AFG1L: variants seen among roughly 807,000 people sequenced by gnomAD.
AFG1L encodes AFG1 like ATPase.
AFG1L carries 53 observed loss-of-function variants against 62.2 expected under a neutral mutation model. The ratio of observed to expected loss-of-function variants is 0.85; its 90% CI spans 0.68 to 1.07. The LOEUF is 1.07. Ranked by LOEUF, AFG1L falls within the 50% of genes least tolerant of loss-of-function variation. The probability of loss-of-function intolerance (pLI) is 0.00; values close to 1 mark genes in which losing one functional copy is unlikely to be tolerated. For missense variants in AFG1L, 555 were observed against 590.5 expected (o/e 0.94, Z 0.62); for synonymous variants, 228 against 210.3 (o/e 1.08, Z -0.73).
At chr6:108,484,063 A>G (rs1562188907) in intron 10 of AFG1L, among the ~76,000 whole-genome samples, 1 of 152,216 alleles carries the variant, frequency 6.6e-6, no homozygotes, top group Non-Finnish European at 1.5e-5. Context: ...CTAAAGGATG[A>G]ATAGCTTTTA....
intron 10 of AFG1L, among the ~76,000 whole-genome samples, chr6:108,504,872 A>G (rs1774338537): frequency 1.3e-5 from 2 of 152,088 alleles, no homozygotes; most frequent in South Asian, 4.2e-4. Context: ...AGTGGGACAA[A>G]AGTCAGAGAC....
intron 10 of AFG1L, among the ~76,000 whole-genome samples, chr6:108,505,678 C>G (rs1041939119): frequency 6.6e-6 from 1 of 152,082 alleles, no homozygotes; most frequent in African/African-American, 2.4e-5. Flanking sequence ...AGTGGAAATT[C>G]TAGAGCTACA....
chr6:108,325,195 T>C (rs111368225), intron 2 of AFG1L, among the ~76,000 whole-genome samples: 2,841 of 152,322 alleles, frequency 0.019, 46 homozygotes, highest in Middle Eastern at 0.071. Flanking sequence ...AGTTCTCCCA[T>C]GAACTCTTCC....
chr6:108,516,768 A>C (rs1774912442), intron 11 of AFG1L, among the ~76,000 whole-genome samples: 1 of 152,214 alleles, frequency 6.6e-6, no homozygotes, highest in Non-Finnish European at 1.5e-5. Context: ...GTCTCAGCCC[A>C]AAATCTCCTT....
At chr6:108,405,547 A>G (rs187613515) in intron 7 of AFG1L, among the ~76,000 whole-genome samples, 28 of 152,144 alleles carry the variant, frequency 1.8e-4, no homozygotes, top group African/African-American at 4.8e-4. Context: ...GGGTTTCACT[A>G]TGTTTCCCAG....
intron 5 of AFG1L, among the ~76,000 whole-genome samples, chr6:108,363,387 C>T (rs1406223618): frequency 6.6e-6 from 1 of 152,120 alleles, no homozygotes; most frequent in African/African-American, 2.4e-5. Context: ...CCTCTACACT[C>T]AAGTAGGCGC....
chr6:108,492,497 A>G (rs1311398804), intron 10 of AFG1L, among the ~76,000 whole-genome samples: 1 of 152,228 alleles, frequency 6.6e-6, no homozygotes, highest in Non-Finnish European at 1.5e-5. Context: ...TGGTGGAAAC[A>G]TATTTCAGCC....
chr6:108,415,288 G>A (rs1299826807), intron 7 of AFG1L, among the ~76,000 whole-genome samples: 1 of 152,148 alleles, frequency 6.6e-6, no homozygotes, highest in Non-Finnish European at 1.5e-5. Context: ...AAACAAATTG[G>A]AAGAACATTC....
At chr6:108,442,475 G>A (rs754964556) in intron 7 of AFG1L, among the ~76,000 whole-genome samples, 5 of 152,090 alleles carry the variant, frequency 3.3e-5, no homozygotes, top group African/African-American at 1.2e-4. Flanking sequence ...GAGAGGCCTG[G>A]GGAGTTGGGT....
At chr6:108,436,647 G>A (rs1771324528) in intron 7 of AFG1L, among the ~76,000 whole-genome samples, 1 of 152,104 alleles carries the variant, frequency 6.6e-6, no homozygotes, top group Non-Finnish European at 1.5e-5. Context: ...ATCCAAGCAA[G>A]AGCCATAGTT....
At chr6:108,434,648 C>T (rs1479862950) in intron 7 of AFG1L, among the ~76,000 whole-genome samples, 1 of 152,194 alleles carries the variant, frequency 6.6e-6, no homozygotes, top group Non-Finnish European at 1.5e-5. Context: ...GTGATCCGAT[C>T]CTGTCACCTC....
At chr6:108,318,352 A>G in intron 1 of AFG1L, 1 of 392,754 alleles carries the variant, frequency 2.5e-6, no homozygotes. Context: ...TAAGAGATGC[A>G]AGCATTTTGA....
At chr6:108,328,722 C>G (rs1778156577) in intron 2 of AFG1L, among the ~76,000 whole-genome samples, 1 of 152,122 alleles carries the variant, frequency 6.6e-6, no homozygotes, top group Non-Finnish European at 1.5e-5. Context: ...ACCCATCTTA[C>G]AGTAGTTGGT....
intron 2 of AFG1L, among the ~76,000 whole-genome samples, chr6:108,334,520 C>T (rs1778402908): frequency 6.8e-6 from 1 of 147,724 alleles, no homozygotes; most frequent in Admixed American, 6.9e-5. Context: ...GGCAAGACTT[C>T]ATCTCTAAAA....
intron 8 of AFG1L, among the ~76,000 whole-genome samples, chr6:108,458,248 C>A (rs1772325372): frequency 6.6e-6 from 1 of 152,070 alleles, no homozygotes; most frequent in South Asian, 2.1e-4. Context: ...CCTTCCCCTC[C>A]TCTTCAATTT....
intron 6 of AFG1L, among the ~76,000 whole-genome samples, chr6:108,384,827 A>G (rs1582485662): frequency 1.3e-5 from 2 of 152,182 alleles, no homozygotes; most frequent in Non-Finnish European, 2.9e-5. Context: ...TGGGCTTAAT[A>G]GCAGAATGGA....
intron 2 of AFG1L, among the ~76,000 whole-genome samples, chr6:108,341,438 T>C (rs942140819): frequency 2.0e-5 from 3 of 152,142 alleles, no homozygotes; most frequent in Admixed American, 2.0e-4. Flanking sequence ...TAAACAGGTA[T>C]TGGTAAGCAC....
intron 4 of AFG1L, 54 bp from the exon 5 acceptor site, chr6:108,356,636 A>G (rs886311038): frequency 8.0e-7 from 1 of 1,254,144 alleles, no homozygotes; most frequent in African/African-American, 1.5e-5. Context: ...ATATGTTATA[A>G]TTGTCTAAAA....
chr6:108,396,585 G>A (rs983281031), intron 6 of AFG1L, among the ~76,000 whole-genome samples: 18 of 151,952 alleles, frequency 1.2e-4, no homozygotes, highest in African/African-American at 4.4e-4. Context: ...CCACCTCCCG[G>A]GTTCAAGCTA....
Sources: gnomAD v4.1 joint callset for allele counts (sites outside exome capture counted in the v4.1 genomes callset) on GRCh38, gnomAD v4.1.1 for gene constraint, MANE v1.5 for transcripts, NCBI Gene and HGNC (gene_info 2026-07-23, HGNC 2026-07-21) for gene names.